PHLDB2: variants seen among roughly 807,000 people sequenced by gnomAD.
The protein encoded by PHLDB2 is pleckstrin homology like domain family B member 2, also known as pleckstrin homology-like domain family B member 2.
In PHLDB2, 71 loss-of-function variants were observed where a neutral mutation model predicts 123.6. The observed-to-expected ratio is 0.57, with a 90% CI of 0.47 to 0.70. The LOEUF (loss-of-function observed/expected upper bound fraction) is 0.70. Ranked by LOEUF, PHLDB2 falls within the 30% of genes least tolerant of loss-of-function variation. The pLI is 0.00. For missense variants in PHLDB2, 1,446 were observed against 1,519.5 expected, an observed-to-expected ratio of 0.95 and a Z score of 0.80; for synonymous variants, 547 against 541.6, an observed-to-expected ratio of 1.01 and a Z score of -0.14.
At chr3:111,969,242 A>G (rs2072015860) in intron 15 of PHLDB2, among the ~76,000 whole-genome samples, 2 of 152,204 alleles carry the variant, frequency 1.3e-5, no homozygotes, top group African/African-American at 2.4e-5. Flanking sequence ...TACTTACTAA[A>G]TAGTGTTCAA....
chr3:111,749,066 T>A (rs1358215262), intron 1 of PHLDB2, among the ~76,000 whole-genome samples: 1 of 149,498 alleles, frequency 6.7e-6, no homozygotes, highest in African/African-American at 2.5e-5. Context: ...GCCTTTTTCA[T>A]TGAAAAACAA....
intron 1 of PHLDB2, among the ~76,000 whole-genome samples, chr3:111,795,818 G>A (rs747905804): frequency 2.6e-5 from 4 of 152,088 alleles, no homozygotes; most frequent in South Asian, 2.1e-4. Context: ...TCCGCTTCCC[G>A]GGATCAAGCG....
At chr3:111,898,918 A>G (rs1239328029) in intron 2 of PHLDB2, among the ~76,000 whole-genome samples, 1 of 152,192 alleles carries the variant, frequency 6.6e-6, no homozygotes, top group African/African-American at 2.4e-5. Context: ...AGTCATCCAT[A>G]AGGACTGGAA....
chr3:111,800,328 C>T (rs2061332284), intron 1 of PHLDB2, among the ~76,000 whole-genome samples: 1 of 152,112 alleles, frequency 6.6e-6, no homozygotes, highest in African/African-American at 2.4e-5. Flanking sequence ...TTGAGCATAT[C>T]TTTGGAAAAT....
chr3:111,894,824 C>G (rs1049736295), intron 2 of PHLDB2, among the ~76,000 whole-genome samples: 2 of 151,788 alleles, frequency 1.3e-5, no homozygotes, highest in Non-Finnish European at 2.9e-5. Context: ...AAAGTAAGTA[C>G]ATTTTTTGTC....
intron 2 of PHLDB2, among the ~76,000 whole-genome samples, chr3:111,892,447 A>G (rs1164453899): frequency 6.6e-6 from 1 of 152,228 alleles, no homozygotes; most frequent in Non-Finnish European, 1.5e-5. Context: ...CATGTTTTTA[A>G]AAAGAGTAAT....
At chr3:111,859,171 T>TA, upstream of PHLDB2, 1 of 984,938 alleles carries the variant, frequency 1.0e-6, no homozygotes, top group Non-Finnish European at 1.2e-6. Flanking sequence ...TCCCAATAGA[T>TA]ACTTCGCTGT....
chr3:111,829,805 C>T (rs147007753), intron 1 of PHLDB2, among the ~76,000 whole-genome samples: 26 of 152,202 alleles, frequency 1.7e-4, no homozygotes, highest in Non-Finnish European at 3.4e-4. Context: ...TATTATTTAA[C>T]TAGGTTCTAG....
At chr3:111,934,671 G>T (rs78434739) in intron 6 of PHLDB2, among the ~76,000 whole-genome samples, 2,785 of 152,272 alleles carry the variant, frequency 0.018, 37 homozygotes, top group Middle Eastern at 0.027. Context: ...CCTGTGGTTG[G>T]TATGTTGTTA....
intron 6 of PHLDB2, among the ~76,000 whole-genome samples, chr3:111,938,213 A>G (rs2069623202): frequency 1.3e-5 from 2 of 152,066 alleles, no homozygotes; most frequent in African/African-American, 4.8e-5. Context: ...TATTTTTTAG[A>G]GCAGTTTTAT....
chr3:111,812,116 G>C (rs935855002), intron 1 of PHLDB2, among the ~76,000 whole-genome samples: 9 of 152,242 alleles, frequency 5.9e-5, no homozygotes, highest in Middle Eastern at 3.4e-3. Flanking sequence ...TCTTATCTCT[G>C]ATTCCATTTC....
intron 1 of PHLDB2, among the ~76,000 whole-genome samples, chr3:111,791,015 C>T (rs2060895964): frequency 6.6e-6 from 1 of 152,030 alleles, no homozygotes; most frequent in Admixed American, 6.6e-5. Context: ...ATAAATATTT[C>T]TCTGTAATAT....
At chr3:111,814,357 C>T (rs1480676626) in intron 1 of PHLDB2, among the ~76,000 whole-genome samples, 1 of 152,088 alleles carries the variant, frequency 6.6e-6, no homozygotes, top group Non-Finnish European at 1.5e-5. Context: ...ATGCTGGTTG[C>T]TTGCTGCTCT....
chr3:111,970,770 A>G (rs1174391820), intron 16 of PHLDB2, among the ~76,000 whole-genome samples: 1 of 152,150 alleles, frequency 6.6e-6, no homozygotes, highest in Non-Finnish European at 1.5e-5. Context: ...AGATATTATG[A>G]AAAAAACCCT....
chr3:111,918,961 A>T, intron 3 of PHLDB2, 111 bp from the exon 4 acceptor site: 1 of 1,106,322 alleles, frequency 9.0e-7, no homozygotes, highest in Non-Finnish European at 1.3e-6. Context: ...TTTAAAATCT[A>T]CATGGGCATG....
At chr3:111,822,321 A>G (rs28622169) in intron 1 of PHLDB2, among the ~76,000 whole-genome samples, 2,800 of 111,416 alleles carry the variant, frequency 0.025, 61 homozygotes, top group African/African-American at 0.1. Context: ...GTGTGTGTAT[A>G]TATATATATA....
At chr3:111,950,762 T>G (rs2070663185) in intron 10 of PHLDB2, among the ~76,000 whole-genome samples, 1 of 152,178 alleles carries the variant, frequency 6.6e-6, no homozygotes, top group African/African-American at 2.4e-5. Flanking sequence ...TTACCATCAA[T>G]TACCATTTGT....
intron 1 of PHLDB2, among the ~76,000 whole-genome samples, chr3:111,781,667 T>C (rs189585709): frequency 7.9e-5 from 12 of 152,286 alleles, no homozygotes; most frequent in Admixed American, 2.0e-4. Context: ...AAATGATCAT[T>C]AGTTTTTCAA....
At chr3:111,891,339 G>A (rs1480829875) in intron 2 of PHLDB2, among the ~76,000 whole-genome samples, 1 of 152,062 alleles carries the variant, frequency 6.6e-6, no homozygotes, top group East Asian at 1.9e-4. Context: ...TACTGCCTGA[G>A]CTCCAACTCC....
Sources: allele counts gnomAD v4.1 joint callset (sites outside exome capture counted in the v4.1 genomes callset), GRCh38; gene constraint gnomAD v4.1.1; transcripts MANE v1.5; gene names NCBI Gene and HGNC (gene_info 2026-07-23, HGNC 2026-07-21).